The following RBFOX3 variants were observed in gnomAD, a reference collection of about 807,000 sequenced individuals.
The protein encoded by RBFOX3 is RNA binding protein fox-1 homolog 3.
A neutral mutation model predicts 48.7 loss-of-function variants in RBFOX3; 17 were observed. The observed-to-expected ratio is 0.35, with a 90% CI of 0.24 to 0.52. The LOEUF (loss-of-function observed/expected upper bound fraction) is 0.52. RBFOX3 is among the 20% of genes least tolerant of loss of function. RBFOX3 has a pLI of 0.94. For synonymous variants in RBFOX3, 212 were observed against 209.5 expected (o/e 1.01, Z -0.10); for missense variants, 382 against 497.5 (o/e 0.77, Z 2.21).
intron 1 of RBFOX3, among the ~76,000 whole-genome samples, chr17:79,536,608 C>T (rs1047079111): frequency 1.4e-5 from 2 of 147,988 alleles, no homozygotes; most frequent in Non-Finnish European, 3.0e-5. Context: ...TCCTTGGCCA[C>T]GGGTGTTTTC....
chr17:79,161,182 G>A lies in RBFOX3; in HGVS notation c.-33-45434C>T, dbSNP rs2046905745. Reference sequence around the variant, plus strand: ...GGGGTCATCCAGCCTGAGGCACTCAGGGGAGGCTCCCTGGAGGAGGTGGCC... The same window carrying A: ...GGGGTCATCCAGCCTGAGGCACTCAAGGGAGGCTCCCTGGAGGAGGTGGCC... On this transcript the variant is annotated intron_variant, in intron 4 of 14. Transcript: ENST00000693108. Among the ~76,000 whole-genome samples, 3 of 150,238 alleles carry A rather than the reference G, an allele frequency of 2.0e-5. No individual in the cohort carries two copies. The Admixed American group carries it at 2.2e-4, about 11-fold the overall frequency.
chr17:79,284,541 C>T (rs910999119), intron 3 of RBFOX3, among the ~76,000 whole-genome samples: 14 of 42,118 alleles, frequency 3.3e-4, no homozygotes, highest in South Asian at 2.6e-3. Flanking sequence ...GGAAGAGACT[C>T]GCTTTTTTTT....
At chr17:79,561,377 T>C (rs2092204451) in intron 1 of RBFOX3, among the ~76,000 whole-genome samples, 1 of 151,990 alleles carries the variant, frequency 6.6e-6, no homozygotes, top group Non-Finnish European at 1.5e-5. Context: ...CCCCAGGCTC[T>C]CCAAATCCTA....
chr17:79,615,507 G>C (rs2093990239), upstream of RBFOX3, among the ~76,000 whole-genome samples: 1 of 152,136 alleles, frequency 6.6e-6, no homozygotes, highest in African/African-American at 2.4e-5. Flanking sequence ...ATGTCCAGCT[G>C]CCTAGGGCTC....
intron 2 of RBFOX3, among the ~76,000 whole-genome samples, chr17:79,400,135 C>T (rs1180924049): frequency 6.6e-6 from 1 of 152,124 alleles, no homozygotes; most frequent in East Asian, 1.9e-4. Flanking sequence ...GACAGTGAAA[C>T]AAATGCACCA....
chr17:79,200,162 C>CAAAA (rs3046721), intron 4 of RBFOX3, among the ~76,000 whole-genome samples: 3,322 of 110,816 alleles, frequency 0.03, 118 homozygotes, highest in Middle Eastern at 0.06. Flanking sequence ...GACTCCGTCT[C>CAAAA]AAAAAAAAAA....
chr17:79,320,398 G>A (rs1030581959), intron 2 of RBFOX3, among the ~76,000 whole-genome samples: 2 of 152,208 alleles, frequency 1.3e-5, no homozygotes, highest in Admixed American at 6.5e-5. Flanking sequence ...AGGATCCCAC[G>A]TCGTGCCACT....
rs1486545962 is a variant in RBFOX3, at chr17:79,090,225, T to C, written c.*658A>G. Reference sequence around the variant, plus strand: ...AGCGCCCCTGAGTCCTGGAGCCACGTCAGCCCTTTCTGTTGGGAGCTGGCC... The same window carrying C: ...AGCGCCCCTGAGTCCTGGAGCCACGCCAGCCCTTTCTGTTGGGAGCTGGCC... On this transcript the variant is annotated 3_prime_UTR_variant, in exon 15 of 15. Transcript: ENST00000693108. The C allele has an allele frequency of 1.3e-5, 2 of 152,322 alleles. No individual in the cohort carries two copies. The highest frequency in any genetic ancestry group is 1.3e-4 in the Admixed American group (2 of 15,288). 9.4% of individuals were successfully genotyped at this position (152,322 alleles called of 1,614,324 possible). A position where few individuals can be genotyped will look rare whatever the true frequency, so the allele number is the denominator to read the frequency against.
intron 4 of RBFOX3, chr17:79,234,848 C>G (rs1016778915): frequency 6.7e-6 from 1 of 150,046 alleles, no homozygotes; most frequent in Non-Finnish European, 1.5e-5. Context: ...TCTCCTGCCT[C>G]GGCCTACCAG....
chr17:79,603,407 CG>C (rs2093754907), intron 1 of RBFOX3, among the ~76,000 whole-genome samples: 1 of 152,102 alleles, frequency 6.6e-6, no homozygotes, highest in Admixed American at 6.5e-5. Flanking sequence ...TGGCCTGACC[CG>C]GGTAACAACT....
intron 1 of RBFOX3, among the ~76,000 whole-genome samples, chr17:79,503,194 T>C (rs1178208303): frequency 6.6e-6 from 1 of 152,170 alleles, no homozygotes; most frequent in African/African-American, 2.4e-5. Context: ...CACTTGACCC[T>C]GATCACCTCA....
At chr17:79,307,280 G>A (rs539682713) in intron 3 of RBFOX3, among the ~76,000 whole-genome samples, 1 of 152,322 alleles carries the variant, frequency 6.6e-6, no homozygotes, top group East Asian at 1.9e-4. Flanking sequence ...GCGGTCACAC[G>A]GTCCTGTTCC....
the RBFOX3 span, among the ~76,000 whole-genome samples, chr17:79,618,130 A>C: frequency 1.3e-5 from 2 of 152,180 alleles, no homozygotes; most frequent in Non-Finnish European, 2.9e-5. Flanking sequence ...CCACGTCCAC[A>C]CCACAAGGAT....
At chr17:79,330,826 G>T (rs185586487) in intron 2 of RBFOX3, among the ~76,000 whole-genome samples, 2 of 152,314 alleles carry the variant, frequency 1.3e-5, no homozygotes, top group Admixed American at 1.3e-4. Flanking sequence ...CTTCGGAGAA[G>T]CCTTCCCTGA....
intron 1 of RBFOX3, among the ~76,000 whole-genome samples, chr17:79,540,198 G>A (rs1215666290): frequency 3.3e-5 from 5 of 152,176 alleles, no homozygotes; most frequent in Admixed American, 6.5e-5. Flanking sequence ...ATTCTGACTC[G>A]GAGTGAGCAT....
intron 2 of RBFOX3, among the ~76,000 whole-genome samples, chr17:79,465,587 A>G (rs1555753153): frequency 6.6e-6 from 1 of 152,156 alleles, no homozygotes; most frequent in Non-Finnish European, 1.5e-5. Context: ...ACAAAAAAAA[A>G]AAAAATACAT....
At chr17:79,300,554 G>A (rs377161680) in intron 3 of RBFOX3, among the ~76,000 whole-genome samples, 4 of 152,190 alleles carry the variant, frequency 2.6e-5, no homozygotes, top group Non-Finnish European at 5.9e-5. Context: ...AAGCTTAAAC[G>A]TGAACAACAG....
intron 1 of RBFOX3, among the ~76,000 whole-genome samples, chr17:79,541,478 T>G (rs1473039798): frequency 6.6e-6 from 1 of 152,188 alleles, no homozygotes; most frequent in Non-Finnish European, 1.5e-5. Flanking sequence ...TAGAGGCGCC[T>G]GGAGTCTGTG....
At chr17:79,133,859 G>A (rs1469763061) in intron 4 of RBFOX3, among the ~76,000 whole-genome samples, 4 of 152,310 alleles carry the variant, frequency 2.6e-5, no homozygotes, top group African/African-American at 7.2e-5. Flanking sequence ...GAGGAGAAGC[G>A]CTGGCTGTGA....
Sources: allele counts gnomAD v4.1 joint callset (sites outside exome capture counted in the v4.1 genomes callset), GRCh38; gene constraint gnomAD v4.1.1; transcripts MANE v1.5; gene names NCBI Gene and HGNC (gene_info 2026-07-23, HGNC 2026-07-21).